The following ARMC3 variants were observed in gnomAD, a reference collection of about 807,000 sequenced individuals.
The protein encoded by ARMC3 is armadillo repeat-containing protein 3.
A neutral mutation model predicts 90.3 loss-of-function variants in ARMC3; 74 were observed. The ratio of observed to expected loss-of-function variants is 0.82; its 90% CI spans 0.68 to 0.99. ARMC3 has a LOEUF of 0.99. Ranked by LOEUF, ARMC3 falls within the 50% of genes least tolerant of loss-of-function variation. The pLI, the probability that ARMC3 is intolerant of heterozygous loss-of-function variation, is 0.00. For synonymous variants in ARMC3, 334 were observed against 361.8 expected, an observed-to-expected ratio of 0.92 and a Z score of 0.87; for missense variants, 958 against 1,042.8, an observed-to-expected ratio of 0.92 and a Z score of 1.12.
intron 7 of ARMC3, among the ~76,000 whole-genome samples, chr10:22,964,876 T>A (rs1194415800): frequency 1.3e-5 from 2 of 152,114 alleles, no homozygotes; most frequent in Non-Finnish European, 2.9e-5. Flanking sequence ...CTTATAATAG[T>A]CTAGAGTTAA....
intron 12 of ARMC3, 129 bp downstream of exon 12, chr10:23,002,184 C>G (rs886210964): frequency 1.2e-5 from 16 of 1,342,964 alleles, no homozygotes; most frequent in Middle Eastern, 2.7e-4. Context: ...CGCTGCATGT[C>G]CCCAGGGCGG....
intron 5 of ARMC3, 124 bp downstream of exon 5, chr10:22,959,262 T>A: frequency 7.6e-7 from 1 of 1,315,162 alleles, no homozygotes; most frequent in South Asian, 1.3e-5. Flanking sequence ...AAACCACAGC[T>A]CAATTTTGAG....
At chr10:22,978,093 T>C (rs1435914097) in intron 8 of ARMC3, among the ~76,000 whole-genome samples, 1 of 152,220 alleles carries the variant, frequency 6.6e-6, no homozygotes, top group East Asian at 1.9e-4. Context: ...TTAACTCTTA[T>C]TATCTGGCCA....
chr10:22,970,919 C>T (rs954075681), intron 8 of ARMC3, among the ~76,000 whole-genome samples: 4 of 152,086 alleles, frequency 2.6e-5, no homozygotes, highest in East Asian at 1.9e-4. Context: ...TGAAATTTAC[C>T]GTCTTCATCA....
chr10:22,938,854 C>T (rs577318987), intron 2 of ARMC3, among the ~76,000 whole-genome samples: 1 of 152,226 alleles, frequency 6.6e-6, no homozygotes, highest in South Asian at 2.1e-4. Flanking sequence ...TGAATAAAAA[C>T]AATAAAAAGT....
At chr10:22,972,283 A>G (rs1456015689) in intron 8 of ARMC3, among the ~76,000 whole-genome samples, 4 of 152,024 alleles carry the variant, frequency 2.6e-5, no homozygotes, top group South Asian at 2.1e-4. Flanking sequence ...CTTTTGCCCT[A>G]TGTTTTCTTC....
intron 11 of ARMC3, among the ~76,000 whole-genome samples, chr10:22,998,957 ATGC>A (rs1391366502): frequency 6.6e-6 from 1 of 152,238 alleles, no homozygotes; most frequent in African/African-American, 2.4e-5. Flanking sequence ...AATTGAGGGA[ATGC>A]TGAATCCGAA....
At chr10:22,980,795 A>G (rs1836151515) in intron 8 of ARMC3, among the ~76,000 whole-genome samples, 1 of 151,034 alleles carries the variant, frequency 6.6e-6, no homozygotes, top group Non-Finnish European at 1.5e-5. Context: ...GTCATTTGAG[A>G]AAAAAATGAT....
chr10:23,009,862 CTG>C (rs1046954402), intron 16 of ARMC3, among the ~76,000 whole-genome samples: 6 of 152,132 alleles, frequency 3.9e-5, no homozygotes, highest in Admixed American at 2.0e-4. Flanking sequence ...CTTTGAAAAA[CTG>C]TATTGAGTTA....
intron 10 of ARMC3, among the ~76,000 whole-genome samples, chr10:22,989,730 C>T (rs1170053976): frequency 6.6e-6 from 1 of 152,144 alleles, no homozygotes; most frequent in African/African-American, 2.4e-5. Flanking sequence ...GAGAATTATT[C>T]TTGCATTATT....
chr10:22,970,656 G>A (rs1457562939), intron 8 of ARMC3, among the ~76,000 whole-genome samples: 3 of 152,204 alleles, frequency 2.0e-5, no homozygotes, highest in Non-Finnish European at 4.4e-5. Context: ...CAGAGATGCG[G>A]TGTTCAGGAC....
intron 11 of ARMC3, among the ~76,000 whole-genome samples, 189 bp from the exon 12 acceptor site, chr10:23,001,730 G>A (rs186706678): frequency 4.1e-4 from 63 of 152,184 alleles, no homozygotes; most frequent in African/African-American, 1.4e-3. Context: ...CCCGAAAACC[G>A]GGCTTCTCTG....
chr10:22,985,338 A>T (rs1304528304), intron 10 of ARMC3, among the ~76,000 whole-genome samples: 2 of 152,144 alleles, frequency 1.3e-5, no homozygotes, highest in East Asian at 3.9e-4. Flanking sequence ...TGTCCCACTC[A>T]CTGGGTATAA....
chr10:23,011,430 C>T (rs553599243), intron 16 of ARMC3, among the ~76,000 whole-genome samples: 25 of 152,290 alleles, frequency 1.6e-4, no homozygotes, highest in Admixed American at 6.5e-4. Flanking sequence ...ATGCTTAGCG[C>T]GGTGCCTGGC....
intron 8 of ARMC3, among the ~76,000 whole-genome samples, chr10:22,975,491 G>A (rs1835880822): frequency 6.6e-6 from 1 of 152,196 alleles, no homozygotes; most frequent in Non-Finnish European, 1.5e-5. Context: ...CTTGAACCTA[G>A]GAGGTGGAGG....
In ARMC3 at chr10:22,941,783, G is replaced by GT. The variant is rs111815043; in HGVS notation, c.49-4360dup. On this transcript the variant is annotated intron_variant, in intron 2 of 18. Coordinates refer to ENST00000298032, the MANE Select transcript of ARMC3 (RefSeq NM_173081.5). ...GGGTGAGGAGGAAAGAAAGGGGGAA[G>GT]TAAGAGTGTTAAATGTTCAAGGATA... Among the ~76,000 whole-genome samples the GT allele has an allele frequency of 8.9e-4, 135 of 152,274 alleles. 1 individual carries two copies. Among genetic ancestry groups the GT allele is most frequent in the African/African-American group, 3.2e-3 (134 of 41,554 alleles).
chr10:22,991,758 G>A (rs1379758248), intron 10 of ARMC3, among the ~76,000 whole-genome samples: 3 of 152,182 alleles, frequency 2.0e-5, no homozygotes. Flanking sequence ...TGACATCTGA[G>A]CTGCTGAGAA....
In ARMC3 at chr10:22,962,091, A is replaced by G. The variant is rs1588848381; in HGVS notation, c.732+13A>G. 1 of 1,508,124 alleles carries G rather than the reference A, an allele frequency of 6.6e-7. No individual in the cohort carries two copies. Among genetic ancestry groups the G allele is most frequent in the Non-Finnish European group, 8.9e-7 (1 of 1,120,328 alleles). 93.4% of individuals were successfully genotyped at this position (1,508,124 alleles called of 1,614,324 possible). On this transcript the variant is annotated intron_variant, in intron 7 of 18. Coordinates refer to ENST00000298032, the MANE Select transcript of ARMC3 (RefSeq NM_173081.5). ...CCTAGAAACTAAGGTATTTAGTTTC[A>G]TTCATTCCACCCTCTATGAGGAAAT...
In ARMC3 at chr10:22,981,491, G is replaced by A. The variant is rs1836184989; in HGVS notation, c.1068G>A (p.Gln356=). The change falls in exon 9 of 19, where the codon CAG becomes CAA. Residue 356 remains glutamine, a splice_region_variant and synonymous_variant. Transcript: ENST00000298032. ...NSGSKDFFNN[Q]GIPQLIQLLK... The stretch of plus-strand genomic sequence containing the variant: ...GCAGCAAAGATTTTTTCAATAATCA[G>A]GGTAAGTCAACTGGAAACAATTCTT... 1.9e-6 allele frequency: 3 copies of A among 1,613,782 alleles called. No individual in the cohort carries two copies. The highest frequency in any genetic ancestry group is 2.5e-6 in the Non-Finnish European group (3 of 1,179,888).
Sources: gnomAD v4.1 joint callset for allele counts (sites outside exome capture counted in the v4.1 genomes callset) on GRCh38, gnomAD v4.1.1 for gene constraint, MANE v1.5 for transcripts, NCBI Gene and HGNC (gene_info 2026-07-23, HGNC 2026-07-21) for gene names.